The following HDGFL3 variants were observed in gnomAD, a reference collection of about 807,000 sequenced individuals.
The protein encoded by HDGFL3 is HDGF like 3.
HDGFL3 carries 6 observed loss-of-function variants against 27.6 expected under a neutral mutation model. The observed-to-expected ratio is 0.22, with a 90% CI of 0.12 to 0.43. The LOEUF is 0.43. Among genes scored for constraint, HDGFL3 ranks in the 20% least tolerant of loss-of-function variants. The pLI is 1.00. For missense variants in HDGFL3, 207 were observed against 250.1 expected, an observed-to-expected ratio of 0.83 and a Z score of 1.16; for synonymous variants, 88 against 88.9, an observed-to-expected ratio of 0.99 and a Z score of 0.05.
At chr15:83,156,193 A>C (rs1035555278) in intron 4 of HDGFL3, among the ~76,000 whole-genome samples, 1 of 152,138 alleles carries the variant, frequency 6.6e-6, no homozygotes, top group African/African-American at 2.4e-5. Flanking sequence ...TTGATGCTAC[A>C]TTCCTTTCCC....
intron 1 of HDGFL3, among the ~76,000 whole-genome samples, chr15:83,198,058 A>AAAAAAG (rs2151422080): frequency 6.7e-6 from 1 of 149,516 alleles, no homozygotes; most frequent in East Asian, 1.9e-4. Flanking sequence ...CCGTCTCAAA[A>AAAAAAG]AAAAAAAAAA....
intron 5 of HDGFL3, among the ~76,000 whole-genome samples, chr15:83,149,771 G>T (rs772773142): frequency 2.8e-4 from 42 of 152,090 alleles, no homozygotes; most frequent in Non-Finnish European, 5.0e-4. Flanking sequence ...AAGTGAAAAG[G>T]GTAAAATATA....
chr15:83,121,379 G>T (rs1462158007), intron 3 of HDGFL3, among the ~76,000 whole-genome samples: 3 of 152,134 alleles, frequency 2.0e-5, no homozygotes, highest in Non-Finnish European at 2.9e-5. Context: ...ACCATGCTCG[G>T]CCTGAAGGAA....
At chr15:83,165,523 A>G (rs1331346433) in intron 1 of HDGFL3, among the ~76,000 whole-genome samples, 1 of 151,824 alleles carries the variant, frequency 6.6e-6, no homozygotes, top group Non-Finnish European at 1.5e-5. Context: ...TCCACTACCC[A>G]CCTCTTATCA....
rs769614975 is a variant in HDGFL3 at position 83,136,471 on chromosome 15, A to G, written c.*2799T>C. 1.9e-6 allele frequency: 3 copies of G among 1,567,218 alleles called. No individual in the cohort carries two copies. The highest frequency in any genetic ancestry group is 4.5e-5 in the East Asian group (2 of 44,486). ...ATGCTTACTCAATTTTTTTTTTTTA[A>G]ATGCAACAGGCTCAGTTTTCTCACA... On this transcript the variant is annotated 3_prime_UTR_variant, in exon 6 of 6. Coordinates refer to ENST00000299633, the MANE Select transcript of HDGFL3 (RefSeq NM_016073.4).
At chr15:83,171,349 C>A (rs1351607910) in intron 1 of HDGFL3, among the ~76,000 whole-genome samples, 2 of 152,172 alleles carry the variant, frequency 1.3e-5, no homozygotes, top group East Asian at 3.9e-4. Context: ...TCTCAAAGAA[C>A]TTATGAATAG....
Position 83,207,226 on chromosome 15 carries a change from C to G in HDGFL3, c.84+105G>C. 1 of 785,342 alleles carries G rather than the reference C, an allele frequency of 1.3e-6. No individual in the cohort carries two copies. Among genetic ancestry groups the G allele is most frequent in the Non-Finnish European group, 1.7e-6 (1 of 571,936 alleles). The allele number at this position is 785,342 out of a possible 1,614,324, so 48.6% of individuals were successfully genotyped here. Reference sequence around the variant, plus strand: ...CCTCAGCCCTCACCACAGCCGGCCGCGAGCTGCGGGCTCGGGGCTGAGGCG... The same window carrying G: ...CCTCAGCCCTCACCACAGCCGGCCGGGAGCTGCGGGCTCGGGGCTGAGGCG... On this transcript the variant is annotated intron_variant, in intron 1 of 5. Coordinates refer to ENST00000299633, the MANE Select transcript of HDGFL3 (RefSeq NM_016073.4). This position sits in a 1 kb window ranked among gnomAD's most constrained non-coding sequence, Gnocchi z 4.8.
intron 1 of HDGFL3, among the ~76,000 whole-genome samples, chr15:83,171,831 A>G (rs1486071400): frequency 6.6e-6 from 1 of 152,206 alleles, no homozygotes; most frequent in African/African-American, 2.4e-5. Context: ...TCAGCATCAC[A>G]CAATACACTA....
chr15:83,179,638 C>A (rs1205622870), intron 1 of HDGFL3: 1 of 152,248 alleles, frequency 6.6e-6, no homozygotes, highest in Admixed American at 6.5e-5. Flanking sequence ...GCTTAAATAT[C>A]ATCTCATCAG....
chr15:83,182,532 GAAAGAAGACTTAC>G (rs1270927677), intron 1 of HDGFL3, among the ~76,000 whole-genome samples: 9 of 152,172 alleles, frequency 5.9e-5, no homozygotes, highest in Non-Finnish European at 4.4e-5. Context: ...TATGCTAAAT[GAAAGAAGACTTAC>G]ACAAGAGTAC....
chr15:83,206,829 A>G (rs1209555523), intron 1 of HDGFL3, among the ~76,000 whole-genome samples: 1 of 152,242 alleles, frequency 6.6e-6, no homozygotes, highest in Non-Finnish European at 1.5e-5. Context: ...AAAGAGATGG[A>G]TGAATGACTG....
At chr15:83,157,063 C>T (rs1278106400) in intron 4 of HDGFL3, among the ~76,000 whole-genome samples, 3 of 152,194 alleles carry the variant, frequency 2.0e-5, no homozygotes, top group African/African-American at 7.2e-5. Context: ...AGTACATAGA[C>T]ATAGTCTTGA....
downstream of HDGFL3, chr15:83,127,407 A>G (rs893995778): frequency 8.7e-6 from 14 of 1,613,854 alleles, no homozygotes; most frequent in South Asian, 2.2e-5. Flanking sequence ...ACTGCACTGT[A>G]TGGCTTAGTG....
rs564306913 is a variant in HDGFL3, at chr15:83,207,682, C to CCCGCCGCCGCCGCCGCCGCCG, written c.-289_-269dup. The stretch of plus-strand genomic sequence containing the variant: ...GCCCGCGTCCGGCCGCGCCAAGGTC[C>CCCGCCGCCGCCGCCGCCGCCG]CCGCCGCCGCCGCCGCCGCCGCCGC... On this transcript the variant is annotated 5_prime_UTR_variant, in exon 1 of 6. Transcript: ENST00000299633. The surrounding 1 kb of genome is among the most constrained non-coding windows in gnomAD (Gnocchi z 4.8). The CCCGCCGCCGCCGCCGCCGCCG allele has an allele frequency of 1.3e-5, 2 of 151,522 alleles. No individual in the cohort carries two copies. Among genetic ancestry groups the CCCGCCGCCGCCGCCGCCGCCG allele is most frequent in the African/African-American group, 5.0e-5 (2 of 40,176 alleles). The allele number at this position is 151,522 out of a possible 1,614,324, so 9.4% of individuals were successfully genotyped here.
chr15:83,168,041 A>G (rs2037195140), intron 1 of HDGFL3, among the ~76,000 whole-genome samples: 1 of 152,216 alleles, frequency 6.6e-6, no homozygotes, highest in Admixed American at 6.5e-5. Flanking sequence ...AATTAAACAA[A>G]TTGCTCCTGA....
At chr15:83,164,234 C>T (rs2037135274) in intron 1 of HDGFL3, among the ~76,000 whole-genome samples, 159 bp from the exon 2 acceptor site, 1 of 151,772 alleles carries the variant, frequency 6.6e-6, no homozygotes, top group Admixed American at 6.6e-5. Flanking sequence ...ATTTGGCCCA[C>T]CACATGGAAG....
chr15:83,139,681 T>TA (rs1567164162), intron 5 of HDGFL3, among the ~76,000 whole-genome samples: 5 of 152,298 alleles, frequency 3.3e-5, no homozygotes, highest in African/African-American at 7.2e-5. Context: ...AAAAAGCACT[T>TA]AGAGTGTGCA....
At chr15:83,116,374 G>A (rs1299596132) in intron 3 of HDGFL3, among the ~76,000 whole-genome samples, 1 of 152,168 alleles carries the variant, frequency 6.6e-6, no homozygotes, top group Non-Finnish European at 1.5e-5. Context: ...CCACCATGCT[G>A]CCCAAATCAT....
In HDGFL3 at chr15:83,207,325, A is replaced by T; in HGVS notation, c.84+6T>A. ...GGGCGGGCCCGCGCGCGGCCGCGGT[A>T]CTCACCCGGGCCGGCCAGTGCGGGT... On this transcript the variant is annotated splice_donor_region_variant and intron_variant, in intron 1 of 5. Transcript: ENST00000299633. This position sits in a 1 kb window ranked among gnomAD's most constrained non-coding sequence, Gnocchi z 4.8. The T allele has an allele frequency of 7.3e-7, 1 of 1,374,380 alleles. No homozygotes were observed. Among genetic ancestry groups the T allele is most frequent in the Non-Finnish European group, 9.4e-7 (1 of 1,059,914 alleles). 85.1% of individuals were successfully genotyped at this position (1,374,380 alleles called of 1,614,324 possible). A position where few individuals can be genotyped will look rare whatever the true frequency, so the allele number is the denominator to read the frequency against.
Sources: allele counts gnomAD v4.1 joint callset (sites outside exome capture counted in the v4.1 genomes callset), GRCh38; gene constraint gnomAD v4.1.1; non-coding constraint Gnocchi (gnomAD v3.1); transcripts MANE v1.5; gene names NCBI Gene and HGNC (gene_info 2026-07-23, HGNC 2026-07-21).